Variants in PNPT1 observed in about 807,000 individuals in gnomAD.
PNPT1 encodes the protein polyribonucleotide nucleotidyltransferase 1, also known as polyribonucleotide nucleotidyltransferase 1, mitochondrial.
In PNPT1, 53 loss-of-function variants were observed where a neutral mutation model predicts 119.5. That is an observed-to-expected ratio of 0.44 (90% CI 0.36 to 0.56). The LOEUF is 0.56. PNPT1 is among the 20% of genes least tolerant of loss of function. The probability of loss-of-function intolerance (pLI) is 0.00; values close to 1 mark genes in which losing one functional copy is unlikely to be tolerated. For synonymous variants in PNPT1, 357 were observed against 322.1 expected, an observed-to-expected ratio of 1.11 and a Z score of -1.16; for missense variants, 948 against 938.5, an observed-to-expected ratio of 1.01 and a Z score of -0.13.
Position 55,666,968 on chromosome 2 carries a change from T to G in PNPT1, c.1176+23A>C, listed in dbSNP as rs569594731. 6.1e-6 allele frequency: 9 copies of G among 1,468,694 alleles called. No homozygotes were observed. In the South Asian group the frequency reaches 1.2e-4, roughly 19 times the overall value. 91.0% of individuals were successfully genotyped at this position (1,468,694 alleles called of 1,614,324 possible). On this transcript the variant is annotated intron_variant, in intron 13 of 27. Coordinates refer to ENST00000447944, the MANE Select transcript of PNPT1 (RefSeq NM_033109.5). ...TAAACAATCTTAATTTAGCAAATAA[T>G]TAGAGCTTTTTATATAAATTACCTG...
intron 3 of PNPT1, among the ~76,000 whole-genome samples, chr2:55,685,693 T>G (rs1697384830): frequency 6.6e-6 from 1 of 152,164 alleles, no homozygotes; most frequent in Non-Finnish European, 1.5e-5. Flanking sequence ...GCTATAAAAT[T>G]CTCATGAGCT....
At chr2:55,680,826 A>G in intron 6 of PNPT1, 29 bp downstream of exon 6, 2 of 1,611,926 alleles carry the variant, frequency 1.2e-6, no homozygotes, top group Non-Finnish European at 1.7e-6. Flanking sequence ...TTTTAATCTG[A>G]TAATTTTAAT....
intron 9 of PNPT1, 29 bp from the exon 10 acceptor site, chr2:55,672,075 T>C: frequency 1.3e-6 from 2 of 1,525,340 alleles, no homozygotes; most frequent in Non-Finnish European, 1.8e-6. Context: ...AATGTTAGCA[T>C]AATAATATCT....
intron 17 of PNPT1, among the ~76,000 whole-genome samples, chr2:55,655,377 C>T (rs1460945258): frequency 6.6e-6 from 1 of 152,162 alleles, no homozygotes; most frequent in East Asian, 1.9e-4. Context: ...GCCTTGGCCT[C>T]CCAAAGTGCT....
rs10204169 is a variant in PNPT1, at chr2:55,663,468, G to A, written c.1177-1442C>T. On this transcript the variant is annotated intron_variant, in intron 13 of 27. Coordinates refer to ENST00000447944, the MANE Select transcript of PNPT1 (RefSeq NM_033109.5). ...TGAAAAAATATTTGAAGAAATAATC[G>A]ATGAAAATTCTCAAGTTTGGTGAAA... Among the ~76,000 whole-genome samples, 544 of 152,146 alleles carry A rather than the reference G, an allele frequency of 3.6e-3. 3 individuals carry two copies. Among genetic ancestry groups the A allele is most frequent in the African/African-American group, 0.011 (454 of 41,480 alleles).
chr2:55,683,864 C>G, intron 4 of PNPT1, 30 bp from the exon 5 acceptor site: 1 of 1,606,342 alleles, frequency 6.2e-7, no homozygotes, highest in Non-Finnish European at 8.5e-7. Context: ...CACATTAAAC[C>G]GTACTGACAG....
rs1695948028 is a variant in PNPT1, at chr2:55,645,158, G to A, written c.1822+191C>T. 4.1e-5 allele frequency: 16 copies of A among 392,616 alleles called. No individual in the cohort carries two copies. The South Asian group carries it at 4.8e-4, about 12-fold the overall frequency. The allele number at this position is 392,616 out of a possible 1,614,324, so 24.3% of individuals were successfully genotyped here. On this transcript the variant is annotated intron_variant, in intron 22 of 27. Coordinates refer to ENST00000447944, the MANE Select transcript of PNPT1 (RefSeq NM_033109.5). ...CCTGCCTCAGCCTCCCGAGTAGCTG[G>A]GACTACAGGCGCCCGCCACCACGCC...
intron 2 of PNPT1, 40 bp downstream of exon 2, chr2:55,687,605 A>G: frequency 6.8e-7 from 1 of 1,478,222 alleles, no homozygotes; most frequent in East Asian, 2.3e-5. Context: ...AGTCTCCGTA[A>G]CCATTTTTAA....
chr2:55,686,304 A>C (rs1339507352), intron 3 of PNPT1, 66 bp downstream of exon 3: 2 of 1,474,942 alleles, frequency 1.4e-6, no homozygotes, highest in Non-Finnish European at 1.9e-6. Context: ...CACTGGACAA[A>C]AATATTATAC....
At chr2:55,688,831 A>T (rs2104188641) in intron 1 of PNPT1, among the ~76,000 whole-genome samples, 1 of 152,336 alleles carries the variant, frequency 6.6e-6, no homozygotes, top group South Asian at 2.1e-4. Flanking sequence ...TATTGCCTAT[A>T]AGGACCTTCA....
intron 2 of PNPT1, among the ~76,000 whole-genome samples, chr2:55,687,213 CA>C (rs777676691): frequency 1.6e-4 from 15 of 93,986 alleles, no homozygotes; most frequent in East Asian, 9.5e-4. Flanking sequence ...GACTCCATCT[CA>C]AAAAAAAAAA....
intron 1 of PNPT1, among the ~76,000 whole-genome samples, chr2:55,689,533 G>A (rs1041721176): frequency 2.0e-5 from 3 of 152,102 alleles, no homozygotes; most frequent in Non-Finnish European, 4.4e-5. Context: ...GCGATAAAAA[G>A]GAACAAAGTA....
intron 4 of PNPT1, 64 bp downstream of exon 4, chr2:55,684,879 C>T: frequency 7.2e-7 from 1 of 1,389,848 alleles, no homozygotes; most frequent in Non-Finnish European, 9.5e-7. Context: ...AACACAGATG[C>T]AAGAGAAGAG....
intron 15 of PNPT1, among the ~76,000 whole-genome samples, chr2:55,657,588 G>A (rs1696426640): frequency 3.3e-5 from 5 of 151,408 alleles, no homozygotes; most frequent in Admixed American, 3.3e-4. Context: ...GTTTCACCAT[G>A]TTGGTCAGGC....
In PNPT1 at chr2:55,672,878, C is replaced by T; in HGVS notation, c.866+15G>A. ...GATGACAATTTCATATTTTCATTTG[C>T]ACAGATGTTCTTACTTATGAGTATA... On this transcript the variant is annotated intron_variant, in intron 9 of 27. Transcript: ENST00000447944. The T allele has an allele frequency of 6.4e-7, 1 of 1,570,264 alleles. No individual in the cohort carries two copies. Among genetic ancestry groups the T allele is most frequent in the Non-Finnish European group, 8.6e-7 (1 of 1,163,038 alleles).
rs780383722 is a variant in PNPT1, at chr2:55,684,952, G to A, written c.394C>T (p.Arg132Ter). 6 of 1,568,154 alleles carry A rather than the reference G, an allele frequency of 3.8e-6. No homozygotes were observed. The highest frequency in any genetic ancestry group is 1.4e-5 in the African/African-American group (1 of 74,024). Residue 132 changes from arginine (R) to a stop codon, truncating the protein, a stop_gained, in exon 4 of 28, where the codon CGA becomes TGA. Coordinates refer to ENST00000447944, the MANE Select transcript of PNPT1 (RefSeq NM_033109.5). LOFTEE classifies it high-confidence loss of function. Reference protein sequence around the residue: ...GTSDKEILTSRIIDRSIRPLF... With the variant: ...GTSDKEILTS ...TATGTTAATATCTTACCTATTATTC[G>A]ACTTGTTAGAATTTCTTTATCAGAA...
intron 10 of PNPT1, among the ~76,000 whole-genome samples, chr2:55,671,754 A>T (rs1056367576): frequency 6.6e-6 from 1 of 152,238 alleles, no homozygotes; most frequent in Non-Finnish European, 1.5e-5. Context: ...GAATCGCTGG[A>T]AGGCGAAAGT....
chr2:55,643,491 TC>T, intron 23 of PNPT1, 66 bp from the exon 24 acceptor site: 1 of 1,373,280 alleles, frequency 7.3e-7, no homozygotes, highest in Non-Finnish European at 1.0e-6. Context: ...ACATCTGTAA[TC>T]CCAGCACTCT....
At chr2:55,677,596 C>CAAAAAAAAA (rs70954146) in intron 8 of PNPT1, among the ~76,000 whole-genome samples, 1 of 33,504 alleles carries the variant, frequency 3.0e-5, no homozygotes, top group Non-Finnish European at 5.2e-5. Flanking sequence ...GACTATGTCT[C>CAAAAAAAAA]AAAAAAAAAA....
Sources: allele counts gnomAD v4.1 joint callset (sites outside exome capture counted in the v4.1 genomes callset), GRCh38; gene constraint gnomAD v4.1.1; transcripts MANE v1.5; gene names NCBI Gene and HGNC (gene_info 2026-07-23, HGNC 2026-07-21).